Variants in APPBP2 observed in about 807,000 individuals in gnomAD.
APPBP2 encodes the protein amyloid protein-binding protein 2.
APPBP2 carries 15 observed loss-of-function variants against 76.0 expected under a neutral mutation model. The observed-to-expected ratio is 0.20, with a 90% CI of 0.13 to 0.30. The LOEUF (loss-of-function observed/expected upper bound fraction) is 0.30, where lower values mean the gene tolerates loss of function less well. Among genes scored for constraint, APPBP2 ranks in the 10% least tolerant of loss-of-function variants. The pLI is 1.00. For missense variants in APPBP2, 401 were observed against 687.2 expected (o/e 0.58, Z 4.66); for synonymous variants, 222 against 242.2 (o/e 0.92, Z 0.77).
intron 3 of APPBP2, among the ~76,000 whole-genome samples, chr17:60,489,011 A>T (rs1359675833): frequency 1.3e-5 from 2 of 149,422 alleles, no homozygotes; most frequent in Non-Finnish European, 3.0e-5. Flanking sequence ...TCACGAAGTC[A>T]TGAGTTTGAG....
chr17:60,525,698 G>C (rs1365942478), intron 1 of APPBP2, 96 bp downstream of exon 1: 3 of 1,562,202 alleles, frequency 1.9e-6, no homozygotes, highest in Non-Finnish European at 2.6e-6. Context: ...CTGCCGGAAG[G>C]GGTGAGGGGT....
intron 2 of APPBP2, among the ~76,000 whole-genome samples, chr17:60,495,778 C>T (rs1418493026): frequency 6.6e-6 from 1 of 152,054 alleles, no homozygotes; most frequent in Non-Finnish European, 1.5e-5. Flanking sequence ...ATATTATACA[C>T]CCTAGGTATA....
intron 1 of APPBP2, among the ~76,000 whole-genome samples, chr17:60,520,327 C>T (rs775940725): frequency 4.6e-5 from 7 of 152,082 alleles, no homozygotes; most frequent in Non-Finnish European, 1.0e-4. Flanking sequence ...AATCCCAGCA[C>T]TTCGGGAGGC....
intron 3 of APPBP2, among the ~76,000 whole-genome samples, chr17:60,486,818 G>A (rs544235975): frequency 3.9e-5 from 6 of 152,130 alleles, no homozygotes; most frequent in Non-Finnish European, 7.3e-5. Flanking sequence ...GCATGTTTTT[G>A]CAGTGGCTGG....
intron 1 of APPBP2, among the ~76,000 whole-genome samples, chr17:60,518,934 T>C (rs187618218): frequency 7.9e-5 from 12 of 152,252 alleles, no homozygotes; most frequent in South Asian, 4.2e-4. Context: ...GAGGTAAAGA[T>C]AGATTTTAAA....
chr17:60,477,950 G>C (rs2090602775), intron 4 of APPBP2, among the ~76,000 whole-genome samples: 2 of 151,768 alleles, frequency 1.3e-5, no homozygotes, highest in Non-Finnish European at 2.9e-5. Context: ...GACCAGACTG[G>C]GCGATACAGC....
chr17:60,523,000 G>A (rs1000703048), intron 1 of APPBP2, among the ~76,000 whole-genome samples: 25 of 151,438 alleles, frequency 1.7e-4, no homozygotes, highest in African/African-American at 5.8e-4. Context: ...AATGCTTTAC[G>A]ATTGTGCCTT....
chr17:60,466,745 T>C (rs908833198), intron 4 of APPBP2, among the ~76,000 whole-genome samples: 4 of 152,222 alleles, frequency 2.6e-5, no homozygotes, highest in Admixed American at 6.5e-5. Flanking sequence ...AAATGACATT[T>C]AATCTTTTTG....
chr17:60,483,088 A>G (rs932887387), intron 3 of APPBP2, among the ~76,000 whole-genome samples: 1 of 151,984 alleles, frequency 6.6e-6, no homozygotes. Flanking sequence ...CTTCTCCAGC[A>G]CCTGTTTCCT....
chr17:60,465,574 A>C lies in APPBP2; in HGVS notation c.672+717T>G, dbSNP rs549921218. On this transcript the variant is annotated intron_variant, in intron 5 of 12. Coordinates refer to ENST00000083182, the MANE Select transcript of APPBP2 (RefSeq NM_006380.5). ...AACCCCTAAATCCAAATGTAGAAGG[A>C]AAATAACTGTCAGGCTGGGCATGGT... 2.4e-4 allele frequency among the ~76,000 whole-genome samples: 36 copies of C among 152,270 alleles called. No individual in the cohort carries two copies. The South Asian group carries it at 7.2e-3, about 31-fold the overall frequency.
At chr17:60,449,821 G>C (rs765655340) in intron 12 of APPBP2, among the ~76,000 whole-genome samples, 1 of 151,300 alleles carries the variant, frequency 6.6e-6, no homozygotes, top group African/African-American at 2.4e-5. Context: ...TTTTGGAGAC[G>C]TAGTCTTGCT....
chr17:60,471,319 G>A (rs190361781), intron 4 of APPBP2, among the ~76,000 whole-genome samples: 119 of 151,766 alleles, frequency 7.8e-4, no homozygotes, highest in African/African-American at 2.6e-3. Flanking sequence ...TTTTCTTGTC[G>A]AATTTCTTCT....
intron 3 of APPBP2, among the ~76,000 whole-genome samples, chr17:60,482,244 T>C (rs939253467): frequency 6.6e-6 from 1 of 152,154 alleles, no homozygotes; most frequent in African/African-American, 2.4e-5. Context: ...AAGCATCAAA[T>C]TAAATACTTA....
Position 60,526,202 on chromosome 17 carries a change from C to G in APPBP2, c.-271G>C. ...CCCGGTTCGAGAGGAACCCGGGTTC[C>G]GTCCCAGCGCTGATCTCTGCAGGGG... On this transcript the variant is annotated 5_prime_UTR_variant, in exon 1 of 13. Coordinates refer to ENST00000083182, the MANE Select transcript of APPBP2 (RefSeq NM_006380.5). The G allele has an allele frequency of 2.3e-6, 1 of 443,916 alleles. No homozygotes were observed. The highest frequency in any genetic ancestry group is 4.6e-5 in the East Asian group (1 of 21,666). The allele number at this position is 443,916 out of a possible 1,614,324, so 27.5% of individuals were successfully genotyped here. A position where few individuals can be genotyped will look rare whatever the true frequency, so the allele number is the denominator to read the frequency against.
chr17:60,476,250 T>A (rs1022582679), intron 4 of APPBP2, among the ~76,000 whole-genome samples: 1 of 152,254 alleles, frequency 6.6e-6, no homozygotes, highest in African/African-American at 2.4e-5. Context: ...ACCTTTGTTG[T>A]ATAATGTTTT....
intron 1 of APPBP2, among the ~76,000 whole-genome samples, chr17:60,511,733 C>A (rs2090915472): frequency 6.6e-6 from 1 of 152,038 alleles, no homozygotes; most frequent in Admixed American, 6.6e-5. Context: ...CAGGGAATTT[C>A]AAAAATAATT....
At chr17:60,478,604 T>A (rs1447324015) in intron 4 of APPBP2, among the ~76,000 whole-genome samples, 1 of 152,172 alleles carries the variant, frequency 6.6e-6, no homozygotes, top group Non-Finnish European at 1.5e-5. Flanking sequence ...ACAAGCTCTA[T>A]GACAAAGCAA....
chr17:60,490,223 G>C (rs909726793), intron 3 of APPBP2, among the ~76,000 whole-genome samples: 2 of 151,742 alleles, frequency 1.3e-5, no homozygotes, highest in Non-Finnish European at 2.9e-5. Flanking sequence ...AAGGCCAGTA[G>C]TCTAGTTAAT....
intron 4 of APPBP2, chr17:60,468,601 C>T (rs1320000102): frequency 6.6e-6 from 1 of 152,110 alleles, no homozygotes; most frequent in African/African-American, 2.4e-5. Flanking sequence ...TTCTCCAGTC[C>T]CTGCTGAATG....
Sources: allele counts gnomAD v4.1 joint callset (sites outside exome capture counted in the v4.1 genomes callset), GRCh38; gene constraint gnomAD v4.1.1; transcripts MANE v1.5; gene names NCBI Gene and HGNC (gene_info 2026-07-23, HGNC 2026-07-21).